ALDH1A3: variants seen among roughly 807,000 people sequenced by gnomAD.
ALDH1A3 encodes the protein retinaldehyde dehydrogenase 3.
ALDH1A3 carries 28 observed loss-of-function variants against 57.5 expected under a neutral mutation model. The ratio of observed to expected loss-of-function variants is 0.49; its 90% CI spans 0.36 to 0.67. ALDH1A3 has a LOEUF of 0.67. Ranked by LOEUF, ALDH1A3 falls within the 30% of genes least tolerant of loss-of-function variation. The probability of loss-of-function intolerance (pLI) is 0.00; values close to 1 mark genes in which losing one functional copy is unlikely to be tolerated. For synonymous variants in ALDH1A3, 281 were observed against 264.8 expected (o/e 1.06, Z -0.59); for missense variants, 507 against 669.4 (o/e 0.76, Z 2.68).
intron 1 of ALDH1A3, among the ~76,000 whole-genome samples, chr15:100,884,187 G>A (rs1261848377): frequency 3.3e-5 from 5 of 152,152 alleles, no homozygotes; most frequent in Admixed American, 1.3e-4. Flanking sequence ...CTGGGCAGCC[G>A]GGGACCTCCG....
chr15:100,913,419 G>T (rs1011090666), intron 12 of ALDH1A3: 1 of 152,182 alleles, frequency 6.6e-6, no homozygotes, highest in African/African-American at 2.4e-5. Flanking sequence ...GAGGCTGCTC[G>T]CATTCCTAGG....
intron 11 of ALDH1A3, among the ~76,000 whole-genome samples, chr15:100,908,149 C>T (rs2041844981): frequency 6.6e-6 from 1 of 152,086 alleles, no homozygotes; most frequent in South Asian, 2.1e-4. Context: ...ATGCCTGGCC[C>T]TCTCTTCTTT....
rs1395597028 is a variant in ALDH1A3 at position 100,893,277 on chromosome 15, T to C, written c.537+271T>C. ...ATGGCCAGCATTCCCAGGAAGGTGG[T>C]CTCTTAGCTGGGCCTTAAAGATAAG... On this transcript the variant is annotated intron_variant, in intron 5 of 12. Transcript: ENST00000329841. This position sits in a 1 kb window ranked among gnomAD's most constrained non-coding sequence, Gnocchi z 4.8. 1 of 379,046 alleles carries C rather than the reference T, an allele frequency of 2.6e-6. No homozygotes were observed. The highest frequency in any genetic ancestry group is 4.7e-6 in the Non-Finnish European group (1 of 212,274). The allele number at this position is 379,046 out of a possible 1,614,324, so 23.5% of individuals were successfully genotyped here.
chr15:100,900,603 G>C lies in ALDH1A3; in HGVS notation c.912G>C (p.Gln304His). 6.2e-7 allele frequency: 1 copy of C among 1,601,616 alleles called. No homozygotes were observed. The highest frequency in any genetic ancestry group is 8.5e-7 in the Non-Finnish European group (1 of 1,173,552). The change falls in exon 9 of 13, where the codon CAG (glutamine) becomes CAC (histidine). Residue 304 changes from glutamine (Q) to histidine (H), a missense_variant. Gln to His is a conservative substitution (Grantham distance 24). Coordinates refer to ENST00000329841, the MANE Select transcript of ALDH1A3 (RefSeq NM_000693.4). ...ACTTGGCAGTGGAGTGTGCCCATCA[G>C]GGAGTGTTCTTCAACCAAGGCCAGT... ...DLDLAVECAH[Q>H]GVFFNQGQCC...
rs182618033 is a variant in ALDH1A3, at chr15:100,905,198, G to T, written c.1069-325G>T. On this transcript the variant is annotated intron_variant, in intron 9 of 12. Transcript: ENST00000329841. ...ACCTGAGTAGAATGTAAAGAGTTGG[G>T]AGAAGAAAGACTGTGACCACTTCAG... Among the ~76,000 whole-genome samples, 38 of 152,312 alleles carry T rather than the reference G, an allele frequency of 2.5e-4. No homozygotes were observed. In the East Asian group the frequency reaches 7.3e-3, roughly 29 times the overall value.
chr15:100,888,240 A>G (rs1187091267), intron 3 of ALDH1A3, among the ~76,000 whole-genome samples: 2 of 152,220 alleles, frequency 1.3e-5, no homozygotes, highest in East Asian at 3.9e-4. Flanking sequence ...CTGGGACTAC[A>G]GGTGCCTGCC....
intron 7 of ALDH1A3, 154 bp downstream of exon 7, chr15:100,896,200 C>A: frequency 1.7e-6 from 1 of 596,432 alleles, no homozygotes; most frequent in Non-Finnish European, 3.0e-6. Flanking sequence ...AGTCACTGGT[C>A]TAGTTTCCAA....
In ALDH1A3 at chr15:100,892,584, C is replaced by T. The variant is rs2041661244; in HGVS notation, c.420C>T (p.Thr140=). 5.0e-6 allele frequency: 8 copies of T among 1,613,368 alleles called. No homozygotes were observed. The highest frequency in any genetic ancestry group is 6.8e-6 in the Non-Finnish European group (8 of 1,179,784). ...TCGACCTGGAGGGCTGTATTAGAAC[C>T]CTCAGATACTTTGCAGGGTGGGCAG... ...FFIDLEGCIR[T]LRYFAGWADK... Residue 140 remains threonine, a synonymous_variant, in exon 4 of 13, where the codon ACC becomes ACT. Coordinates refer to ENST00000329841, the MANE Select transcript of ALDH1A3 (RefSeq NM_000693.4).
intron 8 of ALDH1A3, 100 bp from the exon 9 acceptor site, chr15:100,900,475 C>T: frequency 2.7e-6 from 3 of 1,129,202 alleles, no homozygotes; most frequent in Non-Finnish European, 3.8e-6. Flanking sequence ...GGCCTGTTTT[C>T]TTGTGTGGGC....
In ALDH1A3 at chr15:100,914,609, G is replaced by A. The variant is rs180680622; in HGVS notation, c.1467-92G>A. On this transcript the variant is annotated intron_variant, in intron 12 of 12. Transcript: ENST00000329841. ...TTAACCTTTTGCATAAGCCTCCAAC[G>A]GCCTGATGGAATGATGAAGCCTCAG... The A allele has an allele frequency of 2.5e-5, 31 of 1,245,018 alleles. 1 individual carries two copies. Among genetic ancestry groups the A allele is most frequent in the Middle Eastern group, 3.8e-4 (2 of 5,276 alleles). 77.1% of individuals were successfully genotyped at this position (1,245,018 alleles called of 1,614,324 possible).
chr15:100,895,861 T>G, intron 6 of ALDH1A3, 72 bp from the exon 7 acceptor site: 2 of 1,340,070 alleles, frequency 1.5e-6, no homozygotes, highest in South Asian at 1.3e-5. Flanking sequence ...GCCACGGCTC[T>G]CTCGGCCCAA....
At chr15:100,910,797 G>C (rs1308956457) in intron 12 of ALDH1A3, among the ~76,000 whole-genome samples, 2 of 152,162 alleles carry the variant, frequency 1.3e-5, no homozygotes, top group African/African-American at 4.8e-5. Flanking sequence ...CCTCCCAGAC[G>C]CCAGACACAG....
Position 100,892,640 on chromosome 15 carries a change from G to T in ALDH1A3, c.475+1G>T, listed in dbSNP as rs78931658. The T allele has an allele frequency of 6.2e-7, 1 of 1,603,960 alleles. No individual in the cohort carries two copies. On this transcript the variant is annotated splice_donor_variant, in intron 4 of 12. Coordinates refer to ENST00000329841, the MANE Select transcript of ALDH1A3 (RefSeq NM_000693.4). LOFTEE classifies it high-confidence loss of function. ...ATCCAGGGCAAGACCATCCCCACAG[G>T]TGAGCAAGGTGGATTATAGCTTCAT...
Position 100,893,165 on chromosome 15 carries a change from A to G in ALDH1A3, c.537+159A>G. 1.6e-6 allele frequency: 1 copy of G among 627,516 alleles called. No homozygotes were observed. The highest frequency in any genetic ancestry group is 2.7e-6 in the Non-Finnish European group (1 of 371,564). 38.9% of individuals were successfully genotyped at this position (627,516 alleles called of 1,614,324 possible). Reference sequence around the variant, plus strand: ...AACTCCATGCTTGGGGGCTCTTGAGATGGATTAGACCCCATTTCTGCTCTC... The same window carrying G: ...AACTCCATGCTTGGGGGCTCTTGAGGTGGATTAGACCCCATTTCTGCTCTC... On this transcript the variant is annotated intron_variant, in intron 5 of 12. Coordinates refer to ENST00000329841, the MANE Select transcript of ALDH1A3 (RefSeq NM_000693.4). The surrounding 1 kb of genome is among the most constrained non-coding windows in gnomAD (Gnocchi z 4.8).
intron 1 of ALDH1A3, among the ~76,000 whole-genome samples, chr15:100,884,013 G>A (rs1015817933): frequency 2.0e-5 from 3 of 152,128 alleles, no homozygotes; most frequent in Non-Finnish European, 2.9e-5. Context: ...ATGTAAAAAC[G>A]GAACCTGATG....
In ALDH1A3 at chr15:100,893,996, G is replaced by A. The variant is rs773297753; in HGVS notation, c.580G>A (p.Ala194Thr). Residue 194 changes from alanine to threonine, a missense_variant, in exon 6 of 13, where the codon GCC becomes ACC. Transcript: ENST00000329841. This position sits in a 1 kb window ranked among gnomAD's most constrained non-coding sequence, Gnocchi z 4.8. Reference protein sequence around the residue: ...LLMLVWKLAPALCCGNTMVLK... With the variant: ...LLMLVWKLAPTLCCGNTMVLK... ...GATGCTGGTGTGGAAGCTGGCACCC[G>A]CCCTCTGCTGTGGGAACACCATGGT... 23 of 1,614,080 alleles carry A rather than the reference G, an allele frequency of 1.4e-5. No homozygotes were observed. Among genetic ancestry groups the A allele is most frequent in the East Asian group, 6.7e-5 (3 of 44,896 alleles).
chr15:100,885,604 G>A (rs888968493), intron 2 of ALDH1A3, among the ~76,000 whole-genome samples: 1 of 151,908 alleles, frequency 6.6e-6, no homozygotes, highest in Non-Finnish European at 1.5e-5. Flanking sequence ...CTACTATGAG[G>A]ATGACCTCAG....
At position 100,889,636 on chromosome 15, in the gene ALDH1A3, G is replaced by T. The variant is rs941057168; in HGVS notation, c.345+1924G>T. The stretch of plus-strand genomic sequence containing the variant: ...AGAGGATGTGCCCTGGGCACCCCCC[G>T]CCCTGAACCCTGTCCTTAAGTGTCA... On this transcript the variant is annotated intron_variant, in intron 3 of 12. Coordinates refer to ENST00000329841, the MANE Select transcript of ALDH1A3 (RefSeq NM_000693.4). The surrounding 1 kb of genome is among the most constrained non-coding windows in gnomAD (Gnocchi z 5.1). 2.6e-5 allele frequency among the ~76,000 whole-genome samples: 4 copies of T among 152,138 alleles called. No individual in the cohort carries two copies. Among genetic ancestry groups the T allele is most frequent in the African/African-American group, 9.7e-5 (4 of 41,424 alleles).
intron 7 of ALDH1A3, among the ~76,000 whole-genome samples, chr15:100,896,861 C>A (rs1376144294): frequency 6.6e-6 from 1 of 152,138 alleles, no homozygotes; most frequent in Non-Finnish European, 1.5e-5. Flanking sequence ...TAGAAAATTA[C>A]CCACAATATT....
Sources: allele counts gnomAD v4.1 joint callset (sites outside exome capture counted in the v4.1 genomes callset), GRCh38; gene constraint gnomAD v4.1.1; non-coding constraint Gnocchi (gnomAD v3.1); transcripts MANE v1.5; gene names NCBI Gene and HGNC (gene_info 2026-07-23, HGNC 2026-07-21).